Variants in USP42 observed in about 807,000 individuals in gnomAD.
USP42 encodes ubiquitin carboxyl-terminal hydrolase 42.
A neutral mutation model predicts 113.0 loss-of-function variants in USP42; 23 were observed. The ratio of observed to expected loss-of-function variants is 0.20; its 90% CI spans 0.15 to 0.29. The LOEUF (loss-of-function observed/expected upper bound fraction) is 0.29, where lower values mean the gene tolerates loss of function less well. Ranked by LOEUF, USP42 falls within the 10% of genes least tolerant of loss-of-function variation. The pLI is 1.00. For synonymous variants in USP42, 933 were observed against 699.0 expected (o/e 1.33, Z -5.28); for missense variants, 2,174 against 1,779.8 (o/e 1.22, Z -3.99).
chr7:6,087,063 A>G, the USP42 span, among the ~76,000 whole-genome samples: 9 of 131,610 alleles, frequency 6.8e-5, no homozygotes, highest in Non-Finnish European at 1.3e-4. Context: ...ACAGAGTGTC[A>G]CTCTGTCACC....
upstream of USP42, among the ~76,000 whole-genome samples, chr7:6,103,749 A>C (rs1332367836): frequency 1.3e-5 from 2 of 149,654 alleles, no homozygotes; most frequent in Non-Finnish European, 2.9e-5. Context: ...AAAAAAAAAA[A>C]AAAAAACAAA....
chr7:6,153,699 G>A (rs1420853842), intron 14 of USP42, 57 bp from the exon 15 acceptor site: 12 of 1,416,936 alleles, frequency 8.5e-6, no homozygotes, highest in Non-Finnish European at 1.0e-5. Flanking sequence ...GTAATGCAAT[G>A]ACATGAGCCT....
rs917505770 is a variant in USP42 at position 6,120,166 on chromosome 7, G to A, written c.442+4643G>A. Among the ~76,000 whole-genome samples, 4 of 152,210 alleles carry A rather than the reference G, an allele frequency of 2.6e-5. No homozygotes were observed. The South Asian group carries it at 8.3e-4, about 32-fold the overall frequency. ...TTTTTAGTAGAGATGGGGTTTCACT[G>A]TGTTAGCCAGGATGGTCTTGATCTC... On this transcript the variant is annotated intron_variant, in intron 3 of 17. Transcript: ENST00000306177.
the USP42 span, among the ~76,000 whole-genome samples, chr7:6,088,628 T>C: frequency 4.6e-5 from 7 of 151,472 alleles, no homozygotes; most frequent in South Asian, 2.1e-4. Flanking sequence ...CCAACCCCGA[T>C]TGACGTCACT....
At chr7:6,111,603 A>AT (rs1201458342) in intron 2 of USP42, among the ~76,000 whole-genome samples, 12,753 of 137,830 alleles carry the variant, frequency 0.093, 842 homozygotes, top group African/African-American at 0.18. Flanking sequence ...TTTTATTCCA[A>AT]TTTTTTTTTT....
At position 6,161,535 on chromosome 7, in the gene USP42, T is replaced by G. The variant is rs1436121150; in HGVS notation, c.*1017T>G. On this transcript the variant is annotated 3_prime_UTR_variant, in exon 18 of 18. Coordinates refer to ENST00000306177, the MANE Select transcript of USP42 (RefSeq NM_032172.3). ...CTGTAAATATACAGCATGTAAAATT[T>G]CTATAGTATATAAATGGCAGCAAAT... 1.3e-4 allele frequency: 20 copies of G among 152,656 alleles called. No homozygotes were observed. The highest frequency in any genetic ancestry group is 1.3e-3 in the Admixed American group (20 of 15,278). The allele number at this position is 152,656 out of a possible 1,614,324, so 9.5% of individuals were successfully genotyped here.
At position 6,123,993 on chromosome 7, in the gene USP42, G is replaced by A. The variant is rs114834093; in HGVS notation, c.442+8470G>A. 6.5e-4 allele frequency among the ~76,000 whole-genome samples: 98 copies of A among 151,844 alleles called. 1 individual carries two copies. The highest frequency in any genetic ancestry group is 2.2e-3 in the African/African-American group (92 of 41,440). On this transcript the variant is annotated intron_variant, in intron 3 of 17. Transcript: ENST00000306177. ...TGGGTTCAACTCTGCCTCCTGCCTC[G>A]GTCTCCTAAGTAGCTGGGATTACAG...
At chr7:6,113,645 G>T (rs1192139784) in intron 2 of USP42, among the ~76,000 whole-genome samples, 1 of 150,570 alleles carries the variant, frequency 6.6e-6, no homozygotes, top group African/African-American at 2.4e-5. Context: ...TTTTTGAGAC[G>T]AAGTCTCTCT....
At chr7:6,126,278 G>A (rs958256010) in intron 3 of USP42, among the ~76,000 whole-genome samples, 1 of 150,902 alleles carries the variant, frequency 6.6e-6, no homozygotes, top group Non-Finnish European at 1.5e-5. Context: ...GTATGGATAC[G>A]CCACAGTTTC....
At chr7:6,135,672 A>C (rs1781098298) in intron 3 of USP42, among the ~76,000 whole-genome samples, 169 bp from the exon 4 acceptor site, 1 of 147,006 alleles carries the variant, frequency 6.8e-6, no homozygotes, top group Non-Finnish European at 1.5e-5. Context: ...AAAAAAAAAA[A>C]AAAAAGAACA....
chr7:6,136,336 G>GA (rs897908863), intron 4 of USP42, among the ~76,000 whole-genome samples: 1 of 151,998 alleles, frequency 6.6e-6, no homozygotes, highest in Non-Finnish European at 1.5e-5. Context: ...TCCAACTGGT[G>GA]AAAAAAACCG....
At position 6,154,528 on chromosome 7, in the gene USP42, G is replaced by T. The variant is rs777628015; in HGVS notation, c.2974G>T (p.Asp992Tyr). ...CTGCCCCCGGGAGCGCGACCGCCAG[G>T]ACCGCCACGCCCCGGAGCACCACCC... Reference protein sequence around the residue: ...RTCPRERDRQDRHAPEHHPGH... With the variant: ...RTCPRERDRQYRHAPEHHPGH... The change falls in exon 15 of 18, where the codon GAC becomes TAC. Residue 992 changes from aspartate (D) to tyrosine (Y), a missense_variant. Physicochemically the swap from Asp to Tyr is radical, Grantham distance 160. Transcript: ENST00000306177. The T allele has an allele frequency of 2.4e-5, 37 of 1,542,542 alleles. No individual in the cohort carries two copies. The highest frequency in any genetic ancestry group is 3.1e-5 in the Non-Finnish European group (35 of 1,144,716).
intron 3 of USP42, among the ~76,000 whole-genome samples, chr7:6,122,136 T>G (rs1321043546): frequency 1.3e-5 from 2 of 152,238 alleles, no homozygotes; most frequent in Admixed American, 1.3e-4. Flanking sequence ...TTTAATGTGC[T>G]CTGTTCCAGT....
At chr7:6,083,189 G>A in the USP42 span, among the ~76,000 whole-genome samples, 1 of 144,692 alleles carries the variant, frequency 6.9e-6, no homozygotes, top group African/African-American at 2.6e-5. Context: ...CCTCCCAAAG[G>A]GCTGGGGTTA....
At chr7:6,116,163 C>G (rs1395611185) in intron 3 of USP42, among the ~76,000 whole-genome samples, 1 of 151,012 alleles carries the variant, frequency 6.6e-6, no homozygotes. Context: ...GTTAAGAAAT[C>G]CTGCCTCTCC....
the USP42 span, among the ~76,000 whole-genome samples, chr7:6,089,810 T>C: frequency 8.0e-5 from 12 of 150,174 alleles, 1 homozygote; most frequent in Non-Finnish European, 1.2e-4. Context: ...GGATTACAGG[T>C]GTGAGCTACC....
intron 3 of USP42, among the ~76,000 whole-genome samples, chr7:6,134,470 T>C (rs556047257): frequency 6.6e-6 from 1 of 152,196 alleles, no homozygotes; most frequent in Non-Finnish European, 1.5e-5. Flanking sequence ...CAAGACAGAG[T>C]TAATTGGGAA....
chr7:6,135,651 CAAAA>C (rs1173165919), intron 3 of USP42, among the ~76,000 whole-genome samples, 186 bp from the exon 4 acceptor site: 3 of 16,160 alleles, frequency 1.9e-4, no homozygotes, highest in African/African-American at 5.3e-4. Flanking sequence ...GACTCCATCT[CAAAA>C]AAAAAAAAAA....
At chr7:6,142,362 G>A (rs555855471) in intron 7 of USP42, among the ~76,000 whole-genome samples, 115 of 151,766 alleles carry the variant, frequency 7.6e-4, no homozygotes, top group Non-Finnish European at 8.5e-4. Context: ...GACTACAGGC[G>A]CGTGCCACTG....
Sources: allele counts gnomAD v4.1 joint callset (sites outside exome capture counted in the v4.1 genomes callset), GRCh38; gene constraint gnomAD v4.1.1; transcripts MANE v1.5; gene names NCBI Gene and HGNC (gene_info 2026-07-23, HGNC 2026-07-21).